ADAMTS3: variants seen among roughly 807,000 people sequenced by gnomAD.
The protein encoded by ADAMTS3 is ADAM metallopeptidase with thrombospondin type 1 motif 3.
ADAMTS3 carries 73 observed loss-of-function variants against 129.0 expected under a neutral mutation model. The observed-to-expected ratio is 0.57, with a 90% CI of 0.47 to 0.69. ADAMTS3 has a LOEUF of 0.69. Among genes scored for constraint, ADAMTS3 ranks in the 30% least tolerant of loss-of-function variants. The pLI is 0.00. For synonymous variants in ADAMTS3, 477 were observed against 510.8 expected (o/e 0.93, Z 0.89); for missense variants, 1,457 against 1,514.5 (o/e 0.96, Z 0.63).
At chr4:72,292,955 A>T (rs1025244490) in intron 19 of ADAMTS3, among the ~76,000 whole-genome samples, 6 of 152,210 alleles carry the variant, frequency 3.9e-5, no homozygotes, top group Admixed American at 2.6e-4. Flanking sequence ...TACTTCACAG[A>T]TATAGGTACT....
At chr4:72,382,202 C>A (rs1721310398) in intron 4 of ADAMTS3, among the ~76,000 whole-genome samples, 1 of 151,872 alleles carries the variant, frequency 6.6e-6, no homozygotes, top group Non-Finnish European at 1.5e-5. Context: ...TTATGGCACA[C>A]ATAGTTAATG....
chr4:72,402,862 TG>T (rs1321807199), intron 4 of ADAMTS3, among the ~76,000 whole-genome samples: 1 of 152,038 alleles, frequency 6.6e-6, no homozygotes, highest in Non-Finnish European at 1.5e-5. Flanking sequence ...GGAGGTGGTG[TG>T]GGGGGAGTGT....
At chr4:72,425,875 T>C (rs1217828911) in intron 3 of ADAMTS3, among the ~76,000 whole-genome samples, 2 of 151,348 alleles carry the variant, frequency 1.3e-5, no homozygotes, top group African/African-American at 4.9e-5. Flanking sequence ...GGTCAAATGG[T>C]ATTTCTAGTT....
chr4:72,303,633 G>A (rs1188919771), intron 17 of ADAMTS3, among the ~76,000 whole-genome samples: 1 of 151,736 alleles, frequency 6.6e-6, no homozygotes, highest in Non-Finnish European at 1.5e-5. Flanking sequence ...AAATATGTGG[G>A]TAAATACAAA....
chr4:72,291,442 T>G, intron 19 of ADAMTS3, among the ~76,000 whole-genome samples: 2 of 129,704 alleles, frequency 1.5e-5, no homozygotes, highest in South Asian at 2.6e-4. Flanking sequence ...GATGTTCCCC[T>G]TCCTGTGTCC....
intron 3 of ADAMTS3, among the ~76,000 whole-genome samples, chr4:72,548,195 A>G (rs892405525): frequency 3.9e-5 from 6 of 152,196 alleles, no homozygotes; most frequent in Non-Finnish European, 7.3e-5. Context: ...AAATCTTCCA[A>G]TGTAATACAA....
chr4:72,427,802 A>G (rs1722607908), intron 3 of ADAMTS3, among the ~76,000 whole-genome samples: 1 of 152,054 alleles, frequency 6.6e-6, no homozygotes, highest in Non-Finnish European at 1.5e-5. Flanking sequence ...CGCACAGTAA[A>G]TATCCACTCT....
At chr4:72,360,656 C>A (rs1183347906) in intron 4 of ADAMTS3, among the ~76,000 whole-genome samples, 2 of 151,870 alleles carry the variant, frequency 1.3e-5, no homozygotes, top group Admixed American at 6.6e-5. Flanking sequence ...AAAGGTACTG[C>A]AACATATTTT....
intron 3 of ADAMTS3, among the ~76,000 whole-genome samples, chr4:72,450,729 A>C (rs10518103): frequency 6.6e-6 from 1 of 151,554 alleles, no homozygotes; most frequent in Non-Finnish European, 1.5e-5. Context: ...CAAAATTGCA[A>C]GTCCATTTCC....
At chr4:72,548,429 T>C in intron 3 of ADAMTS3, 49 bp downstream of exon 3, 2 of 1,576,040 alleles carry the variant, frequency 1.3e-6, no homozygotes, top group Non-Finnish European at 1.7e-6. Context: ...AAGCCATGGC[T>C]GCACTCCCAG....
intron 4 of ADAMTS3, among the ~76,000 whole-genome samples, chr4:72,411,178 G>A (rs531089343): frequency 1.3e-5 from 2 of 152,178 alleles, no homozygotes; most frequent in Admixed American, 6.6e-5. Context: ...AGAAGAATCC[G>A]CTATATATGG....
At chr4:72,510,755 A>C (rs944718334) in intron 3 of ADAMTS3, among the ~76,000 whole-genome samples, 4 of 151,582 alleles carry the variant, frequency 2.6e-5, no homozygotes, top group Admixed American at 6.6e-5. Context: ...AGAAATAGAA[A>C]AATCAATCCT....
At chr4:72,502,756 C>G (rs1028641580) in intron 3 of ADAMTS3, among the ~76,000 whole-genome samples, 1 of 152,066 alleles carries the variant, frequency 6.6e-6, no homozygotes, top group Non-Finnish European at 1.5e-5. Context: ...TTCTGGGGTA[C>G]ATGTGCAGAA....
rs550552534 is a variant in ADAMTS3, at chr4:72,334,979, A to T, written c.861+4515T>A. Among the ~76,000 whole-genome samples the T allele has an allele frequency of 2.6e-4, 40 of 152,264 alleles. No homozygotes were observed. In the South Asian group the frequency reaches 8.3e-3, roughly 32 times the overall value. The stretch of plus-strand genomic sequence containing the variant: ...CCCATTGCTTCACAAAGGAGTGGGG[A>T]TGAGTAGAGGGTATCCTTCCTTTCT... On this transcript the variant is annotated intron_variant, in intron 5 of 21. Coordinates refer to ENST00000286657, the MANE Select transcript of ADAMTS3 (RefSeq NM_014243.3).
At chr4:72,309,901 T>C (rs1719187401) in intron 14 of ADAMTS3, among the ~76,000 whole-genome samples, 1 of 152,096 alleles carries the variant, frequency 6.6e-6, no homozygotes. Context: ...GTGAGTTGTA[T>C]ATTAGTGCAA....
chr4:72,503,126 C>T (rs1024386339), intron 3 of ADAMTS3, among the ~76,000 whole-genome samples: 5 of 152,030 alleles, frequency 3.3e-5, no homozygotes, highest in Admixed American at 1.3e-4. Context: ...CAGGTTCAAG[C>T]GATTCTCTGC....
At chr4:72,392,915 A>ATTTTTTTTTTT (rs36046621) in intron 4 of ADAMTS3, among the ~76,000 whole-genome samples, 9 of 139,850 alleles carry the variant, frequency 6.4e-5, no homozygotes, top group East Asian at 2.1e-4. Flanking sequence ...TACCCATCGG[A>ATTTTTTTTTTT]TTTTTTTTTT....
At chr4:72,355,678 T>C (rs148340291) in intron 4 of ADAMTS3, among the ~76,000 whole-genome samples, 6 of 152,146 alleles carry the variant, frequency 3.9e-5, no homozygotes, top group East Asian at 3.9e-4. Flanking sequence ...ATCTTGGAAG[T>C]TGAAAGTGGC....
At chr4:72,482,895 T>TA (rs1427582876) in intron 3 of ADAMTS3, among the ~76,000 whole-genome samples, 6 of 152,082 alleles carry the variant, frequency 3.9e-5, no homozygotes, top group East Asian at 1.9e-4. Context: ...AGGCTAAAAA[T>TA]AAAAAAACCC....
Sources: gnomAD v4.1 joint callset for allele counts (sites outside exome capture counted in the v4.1 genomes callset) on GRCh38, gnomAD v4.1.1 for gene constraint, MANE v1.5 for transcripts, NCBI Gene and HGNC (gene_info 2026-07-23, HGNC 2026-07-21) for gene names.